Variants in PTPRD observed in about 807,000 individuals in gnomAD.
PTPRD encodes the protein receptor-type tyrosine-protein phosphatase delta.
PTPRD carries 34 observed loss-of-function variants against 214.5 expected under a neutral mutation model. The observed-to-expected ratio is 0.16, with a 90% CI of 0.12 to 0.21. The LOEUF (loss-of-function observed/expected upper bound fraction) is 0.21, where lower values mean the gene tolerates loss of function less well. PTPRD is among the 10% of genes least tolerant of loss of function. The pLI, the probability that PTPRD is intolerant of heterozygous loss-of-function variation, is 1.00. For missense variants in PTPRD, 2,545 were observed against 2,398.7 expected (o/e 1.06, Z -1.27); for synonymous variants, 1,128 against 845.7 (o/e 1.33, Z -5.79).
chr9:10,440,262 C>G (rs773807831), intron 2 of PTPRD, among the ~76,000 whole-genome samples: 3 of 151,602 alleles, frequency 2.0e-5, no homozygotes, highest in Non-Finnish European at 3.0e-5. Flanking sequence ...TAAGTTAAAA[C>G]AACATTTTCT....
chr9:9,322,300 C>T (rs543955544), intron 9 of PTPRD, among the ~76,000 whole-genome samples: 1 of 152,260 alleles, frequency 6.6e-6, no homozygotes, highest in African/African-American at 2.4e-5. Flanking sequence ...TGGGCATTTG[C>T]TATAGACCAA....
chr9:8,561,797 A>G (rs1209531350), intron 14 of PTPRD, among the ~76,000 whole-genome samples: 3 of 151,666 alleles, frequency 2.0e-5, no homozygotes, highest in Admixed American at 6.6e-5. Context: ...ACCATTGTAA[A>G]GGGTAAGGGT....
At chr9:9,981,074 T>C (rs2095527816) in intron 4 of PTPRD, among the ~76,000 whole-genome samples, 1 of 151,868 alleles carries the variant, frequency 6.6e-6, no homozygotes, top group African/African-American at 2.4e-5. Context: ...AGTTGATGAA[T>C]GCACCTCCAC....
chr9:10,513,134 GTTTTTC>G (rs2048856464), intron 2 of PTPRD, among the ~76,000 whole-genome samples: 1 of 151,464 alleles, frequency 6.6e-6, no homozygotes. Context: ...TTTTGTTTTT[GTTTTTC>G]TTTTTGTCAC....
intron 4 of PTPRD, among the ~76,000 whole-genome samples, chr9:9,952,240 G>C (rs777747701): frequency 1.3e-5 from 2 of 152,126 alleles, no homozygotes; most frequent in African/African-American, 4.8e-5. Context: ...ATGTTCTTTT[G>C]TCCTGGTTAA....
At chr9:10,515,389 T>A (rs547943901) in intron 2 of PTPRD, among the ~76,000 whole-genome samples, 285 of 149,198 alleles carry the variant, frequency 1.9e-3, no homozygotes, top group Non-Finnish European at 2.7e-3. Context: ...GACTACTTGG[T>A]CTTTTATTAC....
At chr9:10,567,293 G>GTTATCTTAA (rs2065917552) in intron 2 of PTPRD, among the ~76,000 whole-genome samples, 1 of 152,042 alleles carries the variant, frequency 6.6e-6, no homozygotes, top group Non-Finnish European at 1.5e-5. Context: ...ACTTCTTAAT[G>GTTATCTTAA]TGTTTCAAGG....
At chr9:10,131,949 G>A (rs1054136600) in intron 3 of PTPRD, among the ~76,000 whole-genome samples, 1 of 152,056 alleles carries the variant, frequency 6.6e-6, no homozygotes, top group Non-Finnish European at 1.5e-5. Flanking sequence ...TAGAGGTGAT[G>A]AGGAAAAAGG....
intron 8 of PTPRD, among the ~76,000 whole-genome samples, chr9:9,469,571 T>A (rs2094452184): frequency 6.6e-6 from 1 of 152,168 alleles, no homozygotes; most frequent in Admixed American, 6.6e-5. Flanking sequence ...GACCACATGA[T>A]TAACTGATGA....
chr9:8,641,666 A>G (rs2096579715), intron 12 of PTPRD, among the ~76,000 whole-genome samples: 1 of 152,198 alleles, frequency 6.6e-6, no homozygotes, highest in South Asian at 2.1e-4. Context: ...ATTTTCAAAG[A>G]CTGTACATTC....
chr9:9,224,366 T>C (rs77666177), intron 9 of PTPRD, among the ~76,000 whole-genome samples: 55 of 152,134 alleles, frequency 3.6e-4, no homozygotes, highest in East Asian at 3.3e-3. Flanking sequence ...AAATAGGTGG[T>C]TCTCATTGCG....
At chr9:8,502,076 C>G (rs1371567321) in intron 23 of PTPRD, among the ~76,000 whole-genome samples, 1 of 152,062 alleles carries the variant, frequency 6.6e-6, no homozygotes, top group Non-Finnish European at 1.5e-5. Context: ...AATTAGAAGA[C>G]ATACTTTCTT....
intron 7 of PTPRD, among the ~76,000 whole-genome samples, chr9:9,611,877 G>A (rs1031452055): frequency 2.6e-5 from 4 of 151,942 alleles, no homozygotes; most frequent in East Asian, 3.8e-4. Context: ...TCTCTCATAC[G>A]CACTTTGAAC....
intron 11 of PTPRD, among the ~76,000 whole-genome samples, chr9:8,767,407 A>G (rs145929759): frequency 0.047 from 7,168 of 152,158 alleles, 423 homozygotes; most frequent in African/African-American, 0.14. Context: ...TTGAGCCACC[A>G]CACCCGGCGT....
intron 5 of PTPRD, among the ~76,000 whole-genome samples, chr9:9,833,125 T>C (rs994200027): frequency 6.6e-6 from 1 of 151,980 alleles, no homozygotes; most frequent in East Asian, 1.9e-4. Flanking sequence ...AATACAGATA[T>C]ATTTCTAAGG....
At chr9:8,523,472 A>T in intron 19 of PTPRD, 41 bp downstream of exon 19, 1 of 1,604,148 alleles carries the variant, frequency 6.2e-7, no homozygotes, top group Non-Finnish European at 8.5e-7. Context: ...GGTTTAATTA[A>T]TAGTTTTGTA....
Position 8,317,508 on chromosome 9 carries a change from T to G in PTPRD, c.*366A>C. 3.8e-6 allele frequency: 1 copy of G among 265,914 alleles called. No individual in the cohort carries two copies. The highest frequency in any genetic ancestry group is 7.4e-6 in the Non-Finnish European group (1 of 135,402). 16.5% of individuals were successfully genotyped at this position (265,914 alleles called of 1,614,324 possible). A position where few individuals can be genotyped will look rare whatever the true frequency, so the allele number is the denominator to read the frequency against. On this transcript the variant is annotated 3_prime_UTR_variant, in exon 46 of 46. Transcript: ENST00000381196. The stretch of plus-strand genomic sequence containing the variant: ...AGAAGCCACACCAGCACATATCTTG[T>G]GCTGAACTGCAGCATTCTGGCAATT...
chr9:10,412,177 A>G (rs1367816442), intron 2 of PTPRD, among the ~76,000 whole-genome samples: 1 of 151,782 alleles, frequency 6.6e-6, no homozygotes, highest in East Asian at 2.0e-4. Flanking sequence ...CATAAGCTAT[A>G]CTAATAAAGA....
intron 12 of PTPRD, among the ~76,000 whole-genome samples, chr9:8,706,087 T>A (rs190047436): frequency 6.6e-6 from 1 of 152,204 alleles, no homozygotes; most frequent in Admixed American, 6.5e-5. Flanking sequence ...ACTCACTTAG[T>A]CCAAGCAAAG....
Sources: gnomAD v4.1 joint callset for allele counts (sites outside exome capture counted in the v4.1 genomes callset) on GRCh38, gnomAD v4.1.1 for gene constraint, MANE v1.5 for transcripts, NCBI Gene and HGNC (gene_info 2026-07-23, HGNC 2026-07-21) for gene names.